Variants in XYLT1 observed in about 807,000 individuals in gnomAD.
XYLT1 encodes the protein beta-D-xylosyltransferase 1.
XYLT1 carries 36 observed loss-of-function variants against 91.3 expected under a neutral mutation model. The observed-to-expected ratio is 0.39, with a 90% CI of 0.30 to 0.52. The LOEUF (loss-of-function observed/expected upper bound fraction) is 0.52. Ranked by LOEUF, XYLT1 falls within the 20% of genes least tolerant of loss-of-function variation. XYLT1 has a pLI of 0.68. For missense variants in XYLT1, 1,242 were observed against 1,284.5 expected, an observed-to-expected ratio of 0.97 and a Z score of 0.51; for synonymous variants, 588 against 532.0, an observed-to-expected ratio of 1.11 and a Z score of -1.45.
intron 9 of XYLT1, among the ~76,000 whole-genome samples, chr16:17,134,218 T>C (rs1164228807): frequency 6.6e-6 from 1 of 152,190 alleles, no homozygotes; most frequent in African/African-American, 2.4e-5. Flanking sequence ...AGTATATATA[T>C]GTAGCATGAA....
At chr16:17,130,513 C>T (rs1443873968) in intron 9 of XYLT1, among the ~76,000 whole-genome samples, 1 of 152,138 alleles carries the variant, frequency 6.6e-6, no homozygotes, top group Middle Eastern at 3.2e-3. Flanking sequence ...GTCTCTGTCA[C>T]CCAGGCTAGA....
chr16:17,397,315 C>T (rs779856276), intron 1 of XYLT1, among the ~76,000 whole-genome samples: 2 of 152,206 alleles, frequency 1.3e-5, no homozygotes, highest in East Asian at 3.8e-4. Context: ...GCAGGCATCA[C>T]AGAACGGTGG....
chr16:17,302,224 TA>T lies in XYLT1; in HGVS notation c.403-42727del, dbSNP rs1211778711. Among the ~76,000 whole-genome samples, 21 of 152,012 alleles carry T rather than the reference TA, an allele frequency of 1.4e-4. No individual in the cohort carries two copies. In the South Asian group the frequency reaches 1.5e-3, roughly 11 times the overall value. On this transcript the variant is annotated intron_variant, in intron 2 of 11. Transcript: ENST00000261381. ...GATCTCAAAATACTACTACTACTACTACTACTAATAATAATAATAATAAAAA... is the reference window on the plus strand; with the variant it reads ...GATCTCAAAATACTACTACTACTACTCTACTAATAATAATAATAATAAAAA...
At chr16:17,329,976 T>C (rs1330825107) in intron 2 of XYLT1, among the ~76,000 whole-genome samples, 1 of 152,172 alleles carries the variant, frequency 6.6e-6, no homozygotes, top group Non-Finnish European at 1.5e-5. Flanking sequence ...GTTCCATCAA[T>C]AGCTGTTGAA....
chr16:17,328,543 CT>C (rs2034847235), intron 2 of XYLT1, among the ~76,000 whole-genome samples: 2 of 56,674 alleles, frequency 3.5e-5, no homozygotes, highest in African/African-American at 1.1e-4. Flanking sequence ...AGCAAGACTC[CT>C]TCTCAAAAAA....
At chr16:17,282,877 T>A (rs1300130403) in intron 2 of XYLT1, among the ~76,000 whole-genome samples, 1 of 152,214 alleles carries the variant, frequency 6.6e-6, no homozygotes, top group Non-Finnish European at 1.5e-5. Context: ...TTACACTATT[T>A]CATCCTTGCA....
intron 2 of XYLT1, among the ~76,000 whole-genome samples, chr16:17,321,342 CTTTTTTTTTTTTTTTTTTTTTT>C (rs10606202): frequency 2.3e-5 from 1 of 43,582 alleles, no homozygotes; most frequent in Admixed American, 3.9e-4. Flanking sequence ...ACTAACTAGC[CTTTTTTTTTTTTTTTTTTTTTT>C]TTTTTTTTTT....
At chr16:17,157,812 A>G (rs2031446846) in intron 6 of XYLT1, among the ~76,000 whole-genome samples, 2 of 152,026 alleles carry the variant, frequency 1.3e-5, no homozygotes, top group South Asian at 4.2e-4. Context: ...GCAGTGGTGC[A>G]ATCTTGGTTC....
At chr16:17,152,006 A>C (rs2031295234) in intron 6 of XYLT1, among the ~76,000 whole-genome samples, 1 of 152,212 alleles carries the variant, frequency 6.6e-6, no homozygotes, top group African/African-American at 2.4e-5. Context: ...CCAAGCGTCT[A>C]AAGGTCTGTT....
In XYLT1 at chr16:17,424,086, A is replaced by G. The variant is rs115185381; in HGVS notation, c.363+46348T>C. 6.0e-3 allele frequency among the ~76,000 whole-genome samples: 907 copies of G among 152,226 alleles called. 13 individuals carry two copies. The highest frequency in any genetic ancestry group is 0.021 in the African/African-American group (869 of 41,538). On this transcript the variant is annotated intron_variant, in intron 1 of 11. Transcript: ENST00000261381. The stretch of plus-strand genomic sequence containing the variant: ...TTATGCCTGTTCTTACAAGCTCTCA[A>G]TCTGTCCATCCAACCCAGGAGACAC...
chr16:17,349,687 A>G lies in XYLT1; in HGVS notation c.402+8325T>C, dbSNP rs570343934. On this transcript the variant is annotated intron_variant, in intron 2 of 11. Coordinates refer to ENST00000261381, the MANE Select transcript of XYLT1 (RefSeq NM_022166.4). ...AACGGGGATGACAGTAATACTTCCCATAAGAGATAGTTGTGAAATGCAAAT... is the reference window on the plus strand; with the variant it reads ...AACGGGGATGACAGTAATACTTCCCGTAAGAGATAGTTGTGAAATGCAAAT... 2.7e-5 allele frequency among the ~76,000 whole-genome samples: 4 copies of G among 150,694 alleles called. No homozygotes were observed. In the South Asian group the frequency reaches 6.3e-4, roughly 24 times the overall value.
At chr16:17,348,317 C>T (rs1480070489) in intron 2 of XYLT1, among the ~76,000 whole-genome samples, 1 of 152,170 alleles carries the variant, frequency 6.6e-6, no homozygotes, top group African/African-American at 2.4e-5. Context: ...TGGTTTGCTA[C>T]TGAGCTGCTG....
intron 2 of XYLT1, among the ~76,000 whole-genome samples, chr16:17,297,723 T>TATAAA (rs1324976967): frequency 6.6e-6 from 1 of 151,720 alleles, no homozygotes; most frequent in Non-Finnish European, 1.5e-5. Flanking sequence ...ACCTTGTCTC[T>TATAAA]ATAAAACAAA....
At chr16:17,351,093 G>A (rs2035213712) in intron 2 of XYLT1, among the ~76,000 whole-genome samples, 2 of 152,140 alleles carry the variant, frequency 1.3e-5, no homozygotes, top group Admixed American at 1.3e-4. Flanking sequence ...ATCTCCTGAT[G>A]AGGTTTCTTC....
intron 1 of XYLT1, chr16:17,369,462 A>T (rs981857859): frequency 1.3e-5 from 2 of 151,928 alleles, no homozygotes; most frequent in Non-Finnish European, 2.9e-5. Context: ...CCACAACCCC[A>T]CCCTGCCCAC....
In XYLT1 at chr16:17,258,934, G is replaced by A. The variant is rs1567345030; in HGVS notation, c.913+54C>T. 8.2e-6 allele frequency: 12 copies of A among 1,468,124 alleles called. No individual in the cohort carries two copies. In the South Asian group the frequency reaches 1.7e-4, roughly 21 times the overall value. The allele number at this position is 1,468,124 out of a possible 1,614,324, so 90.9% of individuals were successfully genotyped here. On this transcript the variant is annotated intron_variant, in intron 3 of 11. Coordinates refer to ENST00000261381, the MANE Select transcript of XYLT1 (RefSeq NM_022166.4). ...AAGGTGAGCAGAATGGGGCTGGGCA[G>A]GAGGAGGAAGTGGCCAGGAGATCCC...
chr16:17,412,194 G>T (rs1320623456), intron 1 of XYLT1, among the ~76,000 whole-genome samples: 1 of 152,046 alleles, frequency 6.6e-6, no homozygotes, highest in East Asian at 1.9e-4. Flanking sequence ...CAGCTCCTGG[G>T]GTTGAAGATC....
intron 1 of XYLT1, among the ~76,000 whole-genome samples, chr16:17,435,063 A>G (rs961918668): frequency 9.8e-5 from 15 of 152,344 alleles, no homozygotes; most frequent in African/African-American, 3.4e-4. Context: ...AGGGCTGGAC[A>G]GGCCACTTAC....
In XYLT1 at chr16:17,348,665, T is replaced by C. The variant is rs552595188; in HGVS notation, c.402+9347A>G. On this transcript the variant is annotated intron_variant, in intron 2 of 11. Transcript: ENST00000261381. ...TGCAATCACCCCTCCAGCTCTCACG[T>C]TCCCCAAGTTTGGGCCTTGTCTACG... Among the ~76,000 whole-genome samples the C allele has an allele frequency of 4.6e-5, 7 of 152,320 alleles. No individual in the cohort carries two copies. In the South Asian group the frequency reaches 1.4e-3, roughly 32 times the overall value.
Sources: allele counts gnomAD v4.1 joint callset (sites outside exome capture counted in the v4.1 genomes callset), GRCh38; gene constraint gnomAD v4.1.1; transcripts MANE v1.5; gene names NCBI Gene and HGNC (gene_info 2026-07-23, HGNC 2026-07-21).